The following RBFOX1 variants were observed in gnomAD, a reference collection of about 807,000 sequenced individuals.
RBFOX1 encodes RNA binding protein fox-1 homolog 1.
A neutral mutation model predicts 57.7 loss-of-function variants in RBFOX1; 8 were observed. The observed-to-expected ratio is 0.14, with a 90% confidence interval of 0.08 to 0.25. The LOEUF is 0.25. Ranked by LOEUF, RBFOX1 falls within the 10% of genes least tolerant of loss-of-function variation. The pLI is 1.00. For synonymous variants in RBFOX1, 326 were observed against 222.4 expected, an observed-to-expected ratio of 1.47 and a Z score of -4.15; for missense variants, 611 against 548.5, an observed-to-expected ratio of 1.11 and a Z score of -1.14.
rs552008400 is a variant in RBFOX1, at chr16:7,710,198, G to T, written c.1072-425G>T. 348 of 1,029,248 alleles carry T rather than the reference G, an allele frequency of 3.4e-4. 1 individual carries two copies. Among genetic ancestry groups the T allele is most frequent in the Middle Eastern group, 4.7e-4 (1 of 2,130 alleles). The allele number at this position is 1,029,248 out of a possible 1,614,324, so 63.8% of individuals were successfully genotyped here. On this transcript the variant is annotated intron_variant, in intron 15 of 15. Transcript: ENST00000550418. Reference sequence around the variant, plus strand: ...AGCCAAGTTAAGTAAGAAGTAGGTTGAGATTTTCATCCCAATTCTGCATTC... The same window carrying T: ...AGCCAAGTTAAGTAAGAAGTAGGTTTAGATTTTCATCCCAATTCTGCATTC...
chr16:6,646,170 G>C (rs1428340264), intron 2 of RBFOX1, among the ~76,000 whole-genome samples: 1 of 152,086 alleles, frequency 6.6e-6, no homozygotes, highest in Non-Finnish European at 1.5e-5. Context: ...GACGAGTCTG[G>C]TTCAGAAAAG....
At chr16:6,487,443 A>G (rs912843344) in intron 2 of RBFOX1, among the ~76,000 whole-genome samples, 1 of 151,754 alleles carries the variant, frequency 6.6e-6, no homozygotes, top group Non-Finnish European at 1.5e-5. Context: ...GCAAATGTAA[A>G]TAGGATCAGT....
intron 4 of RBFOX1, among the ~76,000 whole-genome samples, chr16:7,221,038 C>G (rs897626959): frequency 1.3e-4 from 20 of 152,142 alleles, no homozygotes; most frequent in African/African-American, 4.8e-4. Context: ...GATGTACTGT[C>G]TAACTAGTAG....
intron 3 of RBFOX1, among the ~76,000 whole-genome samples, chr16:6,907,679 T>C (rs965962855): frequency 2.6e-5 from 4 of 152,210 alleles, no homozygotes; most frequent in Non-Finnish European, 5.9e-5. Flanking sequence ...CAAGCAATTC[T>C]CCTGGCTCAG....
At chr16:5,688,097 G>A (rs916621407) in intron 3 of RBFOX1, among the ~76,000 whole-genome samples, 2 of 152,178 alleles carry the variant, frequency 1.3e-5, no homozygotes, top group Non-Finnish European at 1.5e-5. Flanking sequence ...ATTGTGAAAA[G>A]TATTTCAATT....
At chr16:5,408,202 T>C (rs547831382) in intron 1 of RBFOX1, among the ~76,000 whole-genome samples, 123 of 152,310 alleles carry the variant, frequency 8.1e-4, no homozygotes, top group African/African-American at 2.8e-3. Flanking sequence ...AGGAGGCTTT[T>C]ATTATCCCAG....
At chr16:6,419,277 C>T (rs900402733) in intron 2 of RBFOX1, among the ~76,000 whole-genome samples, 4 of 152,106 alleles carry the variant, frequency 2.6e-5, no homozygotes, top group Non-Finnish European at 5.9e-5. Flanking sequence ...TATCGTATTG[C>T]AGAGTCATTA....
chr16:6,818,039 C>G (rs947396327), intron 3 of RBFOX1, among the ~76,000 whole-genome samples: 1 of 152,138 alleles, frequency 6.6e-6, no homozygotes, highest in Non-Finnish European at 1.5e-5. Context: ...TGTCTGCTCT[C>G]CTATATCTCA....
chr16:6,375,439 A>T (rs932422824), intron 2 of RBFOX1, among the ~76,000 whole-genome samples: 2 of 151,150 alleles, frequency 1.3e-5, no homozygotes, highest in African/African-American at 2.4e-5. Flanking sequence ...CCCTCCTAGG[A>T]TGAAGCCAAA....
intron 4 of RBFOX1, among the ~76,000 whole-genome samples, chr16:5,882,791 A>T (rs918529609): frequency 1.3e-5 from 2 of 152,216 alleles, no homozygotes; most frequent in African/African-American, 4.8e-5. Flanking sequence ...AAATTAGAGA[A>T]TGTGAAAAAT....
At chr16:6,706,444 C>T (rs914589897) in intron 3 of RBFOX1, among the ~76,000 whole-genome samples, 2 of 152,130 alleles carry the variant, frequency 1.3e-5, no homozygotes, top group African/African-American at 2.4e-5. Context: ...CCTCCCCTTC[C>T]AGCTTTGGAT....
chr16:7,708,801 G>C (rs2083325476), intron 14 of RBFOX1, among the ~76,000 whole-genome samples: 1 of 143,064 alleles, frequency 7.0e-6, no homozygotes, highest in Non-Finnish European at 1.5e-5. Context: ...GGGGGAGGCA[G>C]GGAAAAGCAT....
chr16:7,367,903 C>CACACAT (rs2097488884), intron 4 of RBFOX1, among the ~76,000 whole-genome samples: 1 of 151,788 alleles, frequency 6.6e-6, no homozygotes, highest in Non-Finnish European at 1.5e-5. Flanking sequence ...CACACACACA[C>CACACAT]ACACACACAC....
chr16:7,616,371 T>A (rs1283187951), intron 10 of RBFOX1, among the ~76,000 whole-genome samples: 3 of 152,336 alleles, frequency 2.0e-5, no homozygotes, highest in African/African-American at 7.2e-5. Context: ...GAAGCTCACC[T>A]GAGCCTTAGT....
intron 3 of RBFOX1, among the ~76,000 whole-genome samples, chr16:7,026,677 G>C (rs1332861868): frequency 6.6e-6 from 1 of 152,142 alleles, no homozygotes. Flanking sequence ...TACTGTCCCT[G>C]TACCTCTCAG....
At chr16:7,507,650 GC>G (rs534681331) in intron 4 of RBFOX1, among the ~76,000 whole-genome samples, 12 of 138,308 alleles carry the variant, frequency 8.7e-5, no homozygotes, top group African/African-American at 3.2e-4. Context: ...TGCAAGCTCC[GC>G]CTCCCGGGTT....
intron 4 of RBFOX1, among the ~76,000 whole-genome samples, chr16:7,164,822 C>T (rs1275943074): frequency 1.3e-5 from 2 of 152,082 alleles, no homozygotes; most frequent in East Asian, 3.8e-4. Context: ...AAAAACATTG[C>T]TGTTGTACTT....
chr16:6,968,010 C>T (rs573352359), intron 3 of RBFOX1, among the ~76,000 whole-genome samples: 1 of 152,178 alleles, frequency 6.6e-6, no homozygotes, highest in Admixed American at 6.5e-5. Flanking sequence ...GGTGCTGCCT[C>T]TGCTCTTGTA....
intron 3 of RBFOX1, among the ~76,000 whole-genome samples, chr16:6,928,401 G>C (rs947632526): frequency 6.6e-6 from 1 of 152,138 alleles, no homozygotes; most frequent in Non-Finnish European, 1.5e-5. Context: ...TGTGGGAGCA[G>C]AGGTTGTTGT....
Sources: allele counts gnomAD v4.1 joint callset (sites outside exome capture counted in the v4.1 genomes callset), GRCh38; gene constraint gnomAD v4.1.1; transcripts MANE v1.5; gene names NCBI Gene and HGNC (gene_info 2026-07-23, HGNC 2026-07-21).